The following SAMD4A variants were observed in gnomAD, a reference collection of about 807,000 sequenced individuals.
SAMD4A encodes sterile alpha motif domain containing 4A.
A neutral mutation model predicts 81.3 loss-of-function variants in SAMD4A; 33 were observed. The ratio of observed to expected loss-of-function variants is 0.41; its 90% confidence interval spans 0.31 to 0.54. SAMD4A has a LOEUF of 0.54. Among genes scored for constraint, SAMD4A ranks in the 20% least tolerant of loss-of-function variants. The pLI is 0.37. For missense variants in SAMD4A, 854 were observed against 951.1 expected (o/e 0.90, Z 1.34); for synonymous variants, 389 against 382.1 (o/e 1.02, Z -0.21).
At chr14:54,719,964 T>C (rs1378354310) in intron 3 of SAMD4A, among the ~76,000 whole-genome samples, 1 of 152,224 alleles carries the variant, frequency 6.6e-6, no homozygotes, top group Non-Finnish European at 1.5e-5. Context: ...AATAATTTCC[T>C]CTCATTAATT....
intron 3 of SAMD4A, among the ~76,000 whole-genome samples, chr14:54,708,864 C>G (rs1249825188): frequency 1.3e-5 from 2 of 152,142 alleles, no homozygotes; most frequent in Non-Finnish European, 2.9e-5. Context: ...AAGTTAATGA[C>G]TCCAAAGAGA....
chr14:54,757,413 G>GTTT (rs1360460934), intron 6 of SAMD4A, among the ~76,000 whole-genome samples: 7 of 146,820 alleles, frequency 4.8e-5, no homozygotes, highest in African/African-American at 1.6e-4. Flanking sequence ...GTGTGTGTGT[G>GTTT]TGTGTGTGTG....
intron 2 of SAMD4A, among the ~76,000 whole-genome samples, chr14:54,645,297 C>T (rs955735970): frequency 2.0e-5 from 3 of 152,170 alleles, no homozygotes; most frequent in Admixed American, 6.6e-5. Context: ...AAGATCCTAT[C>T]GCTACAGAAA....
intron 2 of SAMD4A, among the ~76,000 whole-genome samples, chr14:54,588,748 C>G (rs1381970829): frequency 2.0e-5 from 3 of 152,072 alleles, no homozygotes; most frequent in Non-Finnish European, 2.9e-5. Flanking sequence ...GTCTCCTTTT[C>G]CATGAGAACA....
chr14:54,594,952 C>G (rs2033874032), intron 2 of SAMD4A, among the ~76,000 whole-genome samples: 2 of 152,148 alleles, frequency 1.3e-5, no homozygotes, highest in Admixed American at 6.6e-5. Flanking sequence ...TATTGCTACC[C>G]TAACAGGACT....
At position 54,760,291 on chromosome 14, in the gene SAMD4A, G is replaced by A. The variant is rs1344422872; in HGVS notation, c.1307G>A (p.Arg436His). ...EARRREPQAP[R>H]QPSLMGPESQ... ...CGCCGCCGGGAGCCCCAGGCCCCGC[G>A]TCAGCCCTCACTGATGGGCCCCGAG... Residue 436 changes from arginine to histidine, a missense_variant, in exon 7 of 13, where the codon CGT (arginine) becomes CAT (histidine). This residue lies in a region of SAMD4A where 428 missense variants were observed against 471.2 expected (regional missense o/e 0.91). Coordinates refer to ENST00000554335, the MANE Select transcript of SAMD4A (RefSeq NM_015589.6). 10 of 1,611,602 alleles carry A rather than the reference G, an allele frequency of 6.2e-6. No homozygotes were observed. The highest frequency in any genetic ancestry group is 4.5e-5 in the East Asian group (2 of 44,844).
chr14:54,592,567 C>T (rs1036969431), intron 2 of SAMD4A, among the ~76,000 whole-genome samples: 1 of 152,192 alleles, frequency 6.6e-6, no homozygotes, highest in African/African-American at 2.4e-5. Flanking sequence ...TCACGCCATT[C>T]TCCTGCCTCA....
rs374831516 is a variant in SAMD4A, at chr14:54,682,636, T to C, written c.197-19426T>C. ...AAAAAGTATTCAAGAGGGGAGTTTC[T>C]GAGCACATAATCAAGTCTCCAAGGT... On this transcript the variant is annotated intron_variant, in intron 2 of 12. Transcript: ENST00000554335. Among the ~76,000 whole-genome samples the C allele has an allele frequency of 2.4e-4, 37 of 152,376 alleles. No homozygotes were observed. The East Asian group carries it at 3.1e-3, about 13-fold the overall frequency.
At chr14:54,711,760 C>G (rs2036994619) in intron 3 of SAMD4A, among the ~76,000 whole-genome samples, 1 of 151,888 alleles carries the variant, frequency 6.6e-6, no homozygotes, top group Non-Finnish European at 1.5e-5. Flanking sequence ...CTCATAGAGC[C>G]AACATCTGAA....
intron 4 of SAMD4A, among the ~76,000 whole-genome samples, chr14:54,740,092 C>T (rs2037808196): frequency 6.6e-6 from 1 of 152,190 alleles, no homozygotes; most frequent in African/African-American, 2.4e-5. Flanking sequence ...ATCACTTGAA[C>T]CCAGGAGATA....
chr14:54,731,059 C>G (rs1485360695), intron 3 of SAMD4A, among the ~76,000 whole-genome samples: 1 of 152,208 alleles, frequency 6.6e-6, no homozygotes, highest in Non-Finnish European at 1.5e-5. Context: ...CTTAGATGCT[C>G]TGAAACTGGT....
intron 11 of SAMD4A, among the ~76,000 whole-genome samples, chr14:54,776,788 A>AGATT (rs1434701449): frequency 3.9e-5 from 6 of 152,112 alleles, no homozygotes; most frequent in East Asian, 3.9e-4. Context: ...TCATATTTCT[A>AGATT]GATTGATTAA....
chr14:54,641,955 G>A (rs61976961), intron 2 of SAMD4A, among the ~76,000 whole-genome samples: 21,167 of 151,884 alleles, frequency 0.14, 2,323 homozygotes, highest in African/African-American at 0.31. Context: ...ACACCACCAC[G>A]CCCAGCTAAT....
chr14:54,621,151 G>A (rs1377497959), intron 2 of SAMD4A, among the ~76,000 whole-genome samples: 5 of 152,132 alleles, frequency 3.3e-5, no homozygotes, highest in African/African-American at 9.7e-5. Context: ...TAAGGCGAAG[G>A]TTTTGTGCAT....
At chr14:54,584,201 A>G (rs1984243) in intron 2 of SAMD4A, among the ~76,000 whole-genome samples, 4 of 152,244 alleles carry the variant, frequency 2.6e-5, no homozygotes, top group African/African-American at 4.8e-5. Flanking sequence ...TTTGATTCAA[A>G]TAAAGCATTG....
At position 54,791,932 on chromosome 14, in the gene SAMD4A, G is replaced by C. The variant is rs967831694; in HGVS notation, c.*2988G>C. On this transcript the variant is annotated 3_prime_UTR_variant, in exon 13 of 13. Coordinates refer to ENST00000554335, the MANE Select transcript of SAMD4A (RefSeq NM_015589.6). Reference sequence around the variant, plus strand: ...ATAGTAACAATTTTAAAATCTCAGAGTAAAATCTATTTCACTACATGCTTT... The same window carrying C: ...ATAGTAACAATTTTAAAATCTCAGACTAAAATCTATTTCACTACATGCTTT... The C allele has an allele frequency of 3.9e-5, 6 of 152,178 alleles. No homozygotes were observed. The highest frequency in any genetic ancestry group is 1.4e-4 in the African/African-American group (6 of 41,428). 9.4% of individuals were successfully genotyped at this position (152,178 alleles called of 1,614,324 possible). A position where few individuals can be genotyped will look rare whatever the true frequency, so the allele number is the denominator to read the frequency against.
intron 3 of SAMD4A, among the ~76,000 whole-genome samples, chr14:54,718,604 G>A (rs1421972114): frequency 2.6e-5 from 4 of 151,916 alleles, no homozygotes; most frequent in Non-Finnish European, 4.4e-5. Flanking sequence ...CATCATATTG[G>A]GTAAATGGTT....
chr14:54,653,368 G>A (rs570721071), intron 2 of SAMD4A, among the ~76,000 whole-genome samples: 1 of 148,144 alleles, frequency 6.8e-6, no homozygotes, highest in African/African-American at 2.5e-5. Flanking sequence ...GCAGAGTCTC[G>A]CCCTGTCACC....
intron 2 of SAMD4A, among the ~76,000 whole-genome samples, chr14:54,656,273 A>G (rs955351439): frequency 1.3e-5 from 2 of 152,160 alleles, no homozygotes; most frequent in Non-Finnish European, 2.9e-5. Flanking sequence ...ATTGTTCTTT[A>G]ATGATTACAT....
Sources: gnomAD v4.1 joint callset for allele counts (sites outside exome capture counted in the v4.1 genomes callset) on GRCh38, gnomAD v4.1.1 for gene constraint, gnomAD v4.1.1 regional missense constraint, MANE v1.5 for transcripts, NCBI Gene and HGNC (gene_info 2026-07-23, HGNC 2026-07-21) for gene names.